MGMT: variants seen among roughly 807,000 people sequenced by gnomAD.
MGMT encodes the protein O-6-methylguanine-DNA methyltransferase, also known as methylated-DNA--protein-cysteine methyltransferase.
In MGMT, 14 loss-of-function variants were observed where a neutral mutation model predicts 15.9. The observed-to-expected ratio is 0.88, with a 90% CI of 0.58 to 1.37. The LOEUF is 1.37. MGMT is among the 40% of genes most tolerant of loss of function. The probability of loss-of-function intolerance (pLI) is 0.00; values close to 1 mark genes in which losing one functional copy is unlikely to be tolerated. For synonymous variants in MGMT, 130 were observed against 118.2 expected (o/e 1.10, Z -0.65); for missense variants, 282 against 268.1 (o/e 1.05, Z -0.36).
chr10:129,731,311 G>GGGCTATATTGTGCACATT (rs1848494406), intron 3 of MGMT, among the ~76,000 whole-genome samples: 1 of 151,574 alleles, frequency 6.6e-6, no homozygotes, highest in African/African-American at 2.4e-5. Context: ...TTGATGATAA[G>GGGCTATATTGTGCACATT]GGCTATATTG....
At chr10:129,534,402 G>A (rs966203321) in intron 1 of MGMT, among the ~76,000 whole-genome samples, 1 of 152,094 alleles carries the variant, frequency 6.6e-6, no homozygotes, top group South Asian at 2.1e-4. Context: ...TGATCGAATG[G>A]GATCCGGTTC....
intron 1 of MGMT, among the ~76,000 whole-genome samples, chr10:129,512,743 C>G (rs921593459): frequency 6.6e-6 from 1 of 152,166 alleles, no homozygotes; most frequent in Non-Finnish European, 1.5e-5. Flanking sequence ...TATTTGATAA[C>G]GTTTATGATA....
intron 1 of MGMT, among the ~76,000 whole-genome samples, chr10:129,497,609 G>T (rs145576408): frequency 6.6e-6 from 1 of 152,296 alleles, no homozygotes; most frequent in Non-Finnish European, 1.5e-5. Flanking sequence ...GCTAACACGG[G>T]TGCACTACTG....
chr10:129,551,607 C>T (rs1846157264), intron 2 of MGMT, among the ~76,000 whole-genome samples: 1 of 152,192 alleles, frequency 6.6e-6, no homozygotes. Context: ...TTTCAAGGAT[C>T]AGTGTCTTCT....
intron 1 of MGMT, among the ~76,000 whole-genome samples, chr10:129,517,958 A>T (rs1056417322): frequency 6.6e-6 from 1 of 152,198 alleles, no homozygotes; most frequent in African/African-American, 2.4e-5. Flanking sequence ...CGAATGCTTT[A>T]GCAGATGTTG....
intron 2 of MGMT, among the ~76,000 whole-genome samples, chr10:129,661,832 C>G (rs1211875488): frequency 1.3e-5 from 2 of 152,150 alleles, no homozygotes; most frequent in Non-Finnish European, 2.9e-5. Context: ...TTTTAATTTA[C>G]TGGTAATTTG....
At chr10:129,577,789 T>G (rs534761764) in intron 2 of MGMT, among the ~76,000 whole-genome samples, 222 of 152,208 alleles carry the variant, frequency 1.5e-3, no homozygotes, top group African/African-American at 5.2e-3. Flanking sequence ...CCTACTCCTC[T>G]GGCAAAGGGC....
intron 1 of MGMT, among the ~76,000 whole-genome samples, chr10:129,485,404 G>A (rs1018182825): frequency 6.6e-6 from 1 of 152,166 alleles, no homozygotes; most frequent in Admixed American, 6.5e-5. Context: ...GTTCTCTGGC[G>A]GCTGGCTCAC....
At chr10:129,597,863 T>C (rs1048432622) in intron 2 of MGMT, among the ~76,000 whole-genome samples, 2 of 152,150 alleles carry the variant, frequency 1.3e-5, no homozygotes, top group South Asian at 2.1e-4. Context: ...GACTGAATAA[T>C]GATGTGGTAT....
rs140967950 is a variant in MGMT at position 129,532,521 on chromosome 10, G to A, written c.-12-3720G>A. Among the ~76,000 whole-genome samples, 390 of 152,194 alleles carry A rather than the reference G, an allele frequency of 2.6e-3. 3 individuals are homozygous for A. Among genetic ancestry groups the A allele is most frequent in the Non-Finnish European group, 4.2e-3 (285 of 68,004 alleles). ...CCTCCACCGCCCTGCTCCTTCCTCC[G>A]GGTGGGGGACACCCCATCCCCCATG... is the stretch of plus-strand genomic sequence containing the variant. On this transcript the variant is annotated intron_variant, in intron 1 of 4. Transcript: ENST00000651593. The surrounding 1 kb of genome is among the most constrained non-coding windows in gnomAD (Gnocchi z 5.3).
chr10:129,760,305 A>G (rs1848857561), intron 4 of MGMT, among the ~76,000 whole-genome samples: 1 of 152,216 alleles, frequency 6.6e-6, no homozygotes, highest in Non-Finnish European at 1.5e-5. Flanking sequence ...GGGAGAACCC[A>G]CACAACCTCA....
At chr10:129,720,087 C>T (rs986316251) in intron 3 of MGMT, among the ~76,000 whole-genome samples, 3 of 152,118 alleles carry the variant, frequency 2.0e-5, no homozygotes, top group Admixed American at 6.5e-5. Context: ...GCTATGTGTA[C>T]GAGTTACAGG....
At chr10:129,653,346 A>T (rs190187695) in intron 2 of MGMT, among the ~76,000 whole-genome samples, 1 of 152,150 alleles carries the variant, frequency 6.6e-6, no homozygotes, top group Admixed American at 6.5e-5. Flanking sequence ...ATCATTTTCC[A>T]CCCCCTCAGG....
intron 1 of MGMT, among the ~76,000 whole-genome samples, chr10:129,530,219 A>G (rs762207437): frequency 5.9e-5 from 9 of 152,266 alleles, no homozygotes; most frequent in Non-Finnish European, 8.8e-5. Context: ...GGATATTAAT[A>G]CAGTTTTTTT....
At chr10:129,478,504 T>C (rs181799337) in intron 1 of MGMT, among the ~76,000 whole-genome samples, 9 of 152,326 alleles carry the variant, frequency 5.9e-5, no homozygotes, top group Middle Eastern at 3.4e-3. Flanking sequence ...AAAAGGTAGA[T>C]AGAAAAGGTT....
intron 1 of MGMT, among the ~76,000 whole-genome samples, chr10:129,486,957 C>T (rs114189862): frequency 1.7e-3 from 262 of 152,288 alleles, no homozygotes; most frequent in African/African-American, 6.0e-3. Flanking sequence ...GTGGTGATAA[C>T]GTTAAAGCCT....
At chr10:129,751,585 G>A (rs1248204952) in intron 3 of MGMT, among the ~76,000 whole-genome samples, 1 of 150,984 alleles carries the variant, frequency 6.6e-6, no homozygotes, top group Non-Finnish European at 1.5e-5. Flanking sequence ...TCTTTTTCTG[G>A]TTTCTTAAGT....
intron 3 of MGMT, among the ~76,000 whole-genome samples, chr10:129,721,566 A>G (rs1359704): frequency 0.22 from 33,892 of 152,240 alleles, 4,503 homozygotes; most frequent in East Asian, 0.43. Flanking sequence ...AAGTTAATAA[A>G]GATGTATTTT....
chr10:129,468,122 T>A (rs1260768292), intron 1 of MGMT, among the ~76,000 whole-genome samples: 1 of 152,170 alleles, frequency 6.6e-6, no homozygotes. Context: ...GACTGGTTAT[T>A]TACATAGACA....
Sources: allele counts gnomAD v4.1 joint callset (sites outside exome capture counted in the v4.1 genomes callset), GRCh38; gene constraint gnomAD v4.1.1; non-coding constraint Gnocchi (gnomAD v3.1); transcripts MANE v1.5; gene names NCBI Gene and HGNC (gene_info 2026-07-23, HGNC 2026-07-21).